SYT10: variants seen among roughly 807,000 people sequenced by gnomAD.
SYT10 encodes the protein synaptotagmin 10, also known as synaptotagmin-10.
Under a neutral mutation model 51.1 loss-of-function variants are expected in SYT10, and 31 were observed. That is an observed-to-expected ratio of 0.61 (90% CI 0.46 to 0.82). The LOEUF (loss-of-function observed/expected upper bound fraction) is 0.82. Ranked by LOEUF, SYT10 falls within the 40% of genes least tolerant of loss-of-function variation. The pLI is 0.00. For missense variants in SYT10, 603 were observed against 634.0 expected, an observed-to-expected ratio of 0.95 and a Z score of 0.53; for synonymous variants, 233 against 225.9, an observed-to-expected ratio of 1.03 and a Z score of -0.28.
At chr12:33,402,209 G>A (rs377459088) in intron 3 of SYT10, among the ~76,000 whole-genome samples, 3 of 152,156 alleles carry the variant, frequency 2.0e-5, no homozygotes, top group African/African-American at 7.2e-5. Context: ...AAACTCCTAT[G>A]ACATTAAATG....
intron 3 of SYT10, among the ~76,000 whole-genome samples, chr12:33,386,490 T>A (rs1236005972): frequency 6.6e-6 from 1 of 150,826 alleles, no homozygotes; most frequent in African/African-American, 2.4e-5. Context: ...CCTCTGTGTG[T>A]TTTTTTTTCC....
chr12:33,383,539 A>G (rs1351971573), intron 4 of SYT10, among the ~76,000 whole-genome samples: 2 of 152,204 alleles, frequency 1.3e-5, no homozygotes, highest in Non-Finnish European at 2.9e-5. Context: ...TAACAGGGTC[A>G]TGTTAATGTC....
At chr12:33,430,979 T>G (rs1414380462) in intron 1 of SYT10, among the ~76,000 whole-genome samples, 2 of 152,188 alleles carry the variant, frequency 1.3e-5, no homozygotes, top group Non-Finnish European at 2.9e-5. Context: ...TTCTCTCTCA[T>G]GTGAAGTGAG....
At chr12:33,427,148 A>G (rs1866559877) in intron 1 of SYT10, among the ~76,000 whole-genome samples, 1 of 152,098 alleles carries the variant, frequency 6.6e-6, no homozygotes, top group Non-Finnish European at 1.5e-5. Flanking sequence ...CTGACATCCT[A>G]ATCCCCAAGG....
intron 6 of SYT10, 120 bp downstream of exon 6, chr12:33,379,712 C>A: frequency 7.5e-7 from 1 of 1,338,458 alleles, no homozygotes; most frequent in Non-Finnish European, 1.0e-6. Context: ...CAAGAACAAT[C>A]TTTTCTATTT....
chr12:33,416,190 C>T (rs1210326840), intron 2 of SYT10, among the ~76,000 whole-genome samples: 3 of 152,016 alleles, frequency 2.0e-5, no homozygotes, highest in Non-Finnish European at 4.4e-5. Flanking sequence ...AAGCAATTCC[C>T]TTGCCTCAGC....
chr12:33,426,413 C>T lies in SYT10; in HGVS notation c.234G>A (p.Lys78=). 1 of 1,613,996 alleles carries T rather than the reference C, an allele frequency of 6.2e-7. No individual in the cohort carries two copies. The highest frequency in any genetic ancestry group is 8.5e-7 in the Non-Finnish European group (1 of 1,179,988). The change falls in exon 2 of 7, where the codon AAG becomes AAA. Residue 78 remains lysine, a synonymous_variant. Coordinates refer to ENST00000228567, the MANE Select transcript of SYT10 (RefSeq NM_198992.4). ...LLVVSLFVFW[K]LCWPCWKSKP... ...TGCTTTTCCAGCATGGCCAACACAG[C>T]TTCCAGAAGACAAAAAGTGAGACAA...
chr12:33,436,747 C>T (rs1434639604), intron 1 of SYT10, among the ~76,000 whole-genome samples: 2 of 152,340 alleles, frequency 1.3e-5, no homozygotes, highest in Non-Finnish European at 1.5e-5. Flanking sequence ...TTCTCTCCCA[C>T]TATCTCTATG....
intron 2 of SYT10, among the ~76,000 whole-genome samples, chr12:33,415,466 T>A (rs1866444920): frequency 6.6e-6 from 1 of 152,312 alleles, no homozygotes; most frequent in African/African-American, 2.4e-5. Context: ...TCTCAGCATC[T>A]AATGGGAAAC....
intron 1 of SYT10, among the ~76,000 whole-genome samples, chr12:33,439,064 G>A (rs1218775354): frequency 6.6e-6 from 1 of 152,270 alleles, no homozygotes; most frequent in African/African-American, 2.4e-5. Flanking sequence ...TCCACTCCGG[G>A]AGGGAGATGG....
intron 2 of SYT10, among the ~76,000 whole-genome samples, chr12:33,420,774 A>C (rs1866496240): frequency 6.6e-6 from 1 of 152,236 alleles, no homozygotes; most frequent in Non-Finnish European, 1.5e-5. Flanking sequence ...CTCTGGCCTT[A>C]GTTCAAAGAG....
intron 2 of SYT10, among the ~76,000 whole-genome samples, chr12:33,411,843 G>C (rs1346390141): frequency 6.6e-6 from 1 of 152,056 alleles, no homozygotes; most frequent in African/African-American, 2.4e-5. Flanking sequence ...AAGATCAGGA[G>C]CTTAAATTAG....
intron 3 of SYT10, 99 bp from the exon 4 acceptor site, chr12:33,385,390 T>C: frequency 1.4e-6 from 2 of 1,479,088 alleles, no homozygotes; most frequent in Non-Finnish European, 1.8e-6. Flanking sequence ...TTTAAATTGT[T>C]TTATTGAGGA....
chr12:33,412,520 C>T (rs1866415176), intron 2 of SYT10, among the ~76,000 whole-genome samples: 1 of 152,024 alleles, frequency 6.6e-6, no homozygotes, highest in Non-Finnish European at 1.5e-5. Flanking sequence ...CATTCTTATC[C>T]TTGAAACCTA....
intron 3 of SYT10, among the ~76,000 whole-genome samples, chr12:33,387,173 T>C (rs1866164046): frequency 6.6e-6 from 1 of 152,204 alleles, no homozygotes; most frequent in Admixed American, 6.5e-5. Context: ...CTCATATAGC[T>C]CAGGTTCTGA....
At chr12:33,431,634 C>A (rs999441021) in intron 1 of SYT10, among the ~76,000 whole-genome samples, 3 of 151,984 alleles carry the variant, frequency 2.0e-5, no homozygotes, top group Non-Finnish European at 4.4e-5. Flanking sequence ...TTAGTATTGA[C>A]GGCTTGTTAC....
At chr12:33,435,439 A>G (rs1866630465) in intron 1 of SYT10, among the ~76,000 whole-genome samples, 1 of 152,206 alleles carries the variant, frequency 6.6e-6, no homozygotes, top group Non-Finnish European at 1.5e-5. Flanking sequence ...CAATGAGACT[A>G]GACATAGTAG....
intron 3 of SYT10, among the ~76,000 whole-genome samples, chr12:33,390,649 T>C (rs780390459): frequency 4.0e-4 from 61 of 152,136 alleles, no homozygotes; most frequent in Admixed American, 7.2e-4. Context: ...TACATGTATG[T>C]ACATATGTAT....
intron 3 of SYT10, among the ~76,000 whole-genome samples, chr12:33,406,330 A>C (rs1282155391): frequency 6.6e-6 from 1 of 152,126 alleles, no homozygotes; most frequent in Non-Finnish European, 1.5e-5. Flanking sequence ...AGATCAAACC[A>C]AGGACTTTTC....
Sources: allele counts gnomAD v4.1 joint callset (sites outside exome capture counted in the v4.1 genomes callset), GRCh38; gene constraint gnomAD v4.1.1; transcripts MANE v1.5; gene names NCBI Gene and HGNC (gene_info 2026-07-23, HGNC 2026-07-21).